The following PPP2R2A variants were observed in gnomAD, a reference collection of about 807,000 sequenced individuals.
PPP2R2A encodes the protein protein phosphatase 2 regulatory subunit Balpha.
Under a neutral mutation model 53.2 loss-of-function variants are expected in PPP2R2A, and 9 were observed. That is an observed-to-expected ratio of 0.17 (90% CI 0.10 to 0.30). The LOEUF is 0.30. Among genes scored for constraint, PPP2R2A ranks in the 10% least tolerant of loss-of-function variants. The pLI is 1.00. For missense variants in PPP2R2A, 235 were observed against 534.6 expected (o/e 0.44, Z 5.53); for synonymous variants, 169 against 174.2 (o/e 0.97, Z 0.23).
At chr8:26,295,776 A>G (rs919248864) in intron 2 of PPP2R2A, among the ~76,000 whole-genome samples, 1 of 152,216 alleles carries the variant, frequency 6.6e-6, no homozygotes, top group Non-Finnish European at 1.5e-5. Context: ...AAGTATAAAA[A>G]TAATCCAGTT....
At chr8:26,326,511 G>A (rs1803094366) in intron 2 of PPP2R2A, among the ~76,000 whole-genome samples, 1 of 152,196 alleles carries the variant, frequency 6.6e-6, no homozygotes, top group African/African-American at 2.4e-5. Flanking sequence ...TATTGGGTGT[G>A]ACTCTACCAA....
chr8:26,321,067 C>T lies in PPP2R2A; in HGVS notation c.83-17823C>T, dbSNP rs745488880. ...TTCAGTATCCTTGGAAACCCTGGAACGGTGCCATAACTAAACTAAAAAAAT... is the reference window on the plus strand; with the variant it reads ...TTCAGTATCCTTGGAAACCCTGGAATGGTGCCATAACTAAACTAAAAAAAT... On this transcript the variant is annotated intron_variant, in intron 2 of 9. Coordinates refer to ENST00000380737, the MANE Select transcript of PPP2R2A (RefSeq NM_002717.4). The surrounding 1 kb of genome is among the most constrained non-coding windows in gnomAD (Gnocchi z 4.1). Among the ~76,000 whole-genome samples the T allele has an allele frequency of 8.5e-5, 13 of 152,154 alleles. No homozygotes were observed. Among genetic ancestry groups the T allele is most frequent in the South Asian group, 2.1e-4 (1 of 4,832 alleles).
intron 2 of PPP2R2A, 95 bp downstream of exon 2, chr8:26,293,835 C>G: frequency 8.8e-7 from 1 of 1,133,566 alleles, no homozygotes. Flanking sequence ...GCTATAAATT[C>G]AAGATGATTT....
In PPP2R2A at chr8:26,338,213, C is replaced by T. The variant is rs989702517; in HGVS notation, c.83-677C>T. Among the ~76,000 whole-genome samples, 1 of 151,962 alleles carries T rather than the reference C, an allele frequency of 6.6e-6. No individual in the cohort carries two copies. The highest frequency in any genetic ancestry group is 6.5e-5 in the Admixed American group (1 of 15,268). ...AGGAAAAGGGCTCTAGTGTGAAAAA[C>T]CAAGAAAAAAAACTTGACAGTTTTC... On this transcript the variant is annotated intron_variant, in intron 2 of 9. Transcript: ENST00000380737. The surrounding 1 kb of genome is among the most constrained non-coding windows in gnomAD (Gnocchi z 4.5).
intron 6 of PPP2R2A, among the ~76,000 whole-genome samples, chr8:26,361,991 A>G (rs1805113040): frequency 6.8e-6 from 1 of 147,822 alleles, no homozygotes. Flanking sequence ...ATTTATATAT[A>G]TTATATTAAT....
At chr8:26,313,384 A>G (rs954564182) in intron 2 of PPP2R2A, among the ~76,000 whole-genome samples, 2 of 152,140 alleles carry the variant, frequency 1.3e-5, no homozygotes, top group South Asian at 2.1e-4. Flanking sequence ...TTTAAAAGCA[A>G]TCCACAGATG....
Position 26,338,942 on chromosome 8 carries a change from A to G in PPP2R2A, c.135A>G (p.Thr45=), listed in dbSNP as rs1161690560. 5 of 1,606,714 alleles carry G rather than the reference A, an allele frequency of 3.1e-6. 1 individual carries two copies. In the Middle Eastern group the frequency reaches 5.0e-4, roughly 160 times the overall value. The change falls in exon 3 of 10, where the codon ACA becomes ACG. Residue 45 remains threonine (T), a synonymous_variant. Transcript: ENST00000380737. This position sits in a 1 kb window ranked among gnomAD's most constrained non-coding sequence, Gnocchi z 4.5. ...ATCATTCTGGAGAATTACTAGCAAC[A>G]GGAGATAAAGGTGGTAGAGTTGTCA... ...EFNHSGELLA[T]GDKGGRVVIF...
At chr8:26,364,629 C>G (rs1805274046) in intron 8 of PPP2R2A, among the ~76,000 whole-genome samples, 1 of 152,224 alleles carries the variant, frequency 6.6e-6, no homozygotes, top group Non-Finnish European at 1.5e-5. Flanking sequence ...AAGTATGTTT[C>G]TCAAACTTTA....
At chr8:26,347,750 T>TA (rs2117357838) in intron 3 of PPP2R2A, among the ~76,000 whole-genome samples, 1 of 152,308 alleles carries the variant, frequency 6.6e-6, no homozygotes, top group Admixed American at 6.5e-5. Flanking sequence ...TTGTGACTGA[T>TA]ACGCTTCCAA....
intron 2 of PPP2R2A, chr8:26,333,694 A>G (rs1211557858): frequency 3.0e-6 from 1 of 332,994 alleles, no homozygotes; most frequent in Admixed American, 4.5e-5. Context: ...TGAGAGTTAC[A>G]TTTTTGAACC....
At chr8:26,366,211 G>A (rs1805365611) in intron 8 of PPP2R2A, 104 bp from the exon 9 acceptor site, 2 of 792,566 alleles carry the variant, frequency 2.5e-6, no homozygotes, top group African/African-American at 1.8e-5. Context: ...GGTTTAAAAG[G>A]TGTGTGTATG....
At chr8:26,344,873 T>C (rs1309394014) in intron 3 of PPP2R2A, among the ~76,000 whole-genome samples, 1 of 152,172 alleles carries the variant, frequency 6.6e-6, no homozygotes, top group Non-Finnish European at 1.5e-5. Flanking sequence ...ACCAGAAGTG[T>C]TTCAAATTTC....
chr8:26,319,548 G>A (rs981992498), intron 2 of PPP2R2A, among the ~76,000 whole-genome samples: 1 of 152,094 alleles, frequency 6.6e-6, no homozygotes, highest in African/African-American at 2.4e-5. Flanking sequence ...TGTAAAGCAA[G>A]GGTCCATTTT....
At chr8:26,337,583 C>G (rs887245662) in intron 2 of PPP2R2A, among the ~76,000 whole-genome samples, 1 of 152,196 alleles carries the variant, frequency 6.6e-6, no homozygotes, top group African/African-American at 2.4e-5. Context: ...TCAGTACTTA[C>G]TGGTGTTTGG....
rs535919877 is a variant in PPP2R2A, at chr8:26,356,315, C to T, written c.346+1682C>T. ...TTCACAAATGCCTGATGGCCATCAG[C>T]GTTGGCCGCCTCCTGGGTGCCCGTT... is the stretch of plus-strand genomic sequence containing the variant. On this transcript the variant is annotated intron_variant, in intron 4 of 9. Coordinates refer to ENST00000380737, the MANE Select transcript of PPP2R2A (RefSeq NM_002717.4). Among the ~76,000 whole-genome samples the T allele has an allele frequency of 3.3e-5, 5 of 152,278 alleles. No homozygotes were observed. The South Asian group carries it at 8.3e-4, about 25-fold the overall frequency.
At chr8:26,336,926 T>C (rs995760652) in intron 2 of PPP2R2A, among the ~76,000 whole-genome samples, 2 of 152,088 alleles carry the variant, frequency 1.3e-5, no homozygotes, top group African/African-American at 4.8e-5. Context: ...TGTCTAACTT[T>C]ACTGCTTAGC....
At chr8:26,345,889 G>C (rs989660941) in intron 3 of PPP2R2A, among the ~76,000 whole-genome samples, 4 of 152,156 alleles carry the variant, frequency 2.6e-5, no homozygotes, top group African/African-American at 9.7e-5. Flanking sequence ...CATATTGTGA[G>C]AGACGGCATC....
intron 2 of PPP2R2A, among the ~76,000 whole-genome samples, chr8:26,326,595 G>A (rs1008753111): frequency 2.0e-5 from 3 of 151,980 alleles, no homozygotes; most frequent in African/African-American, 7.3e-5. Context: ...AAGATTTTAG[G>A]GAGATATTAA....
chr8:26,331,779 G>A (rs1803390000), intron 2 of PPP2R2A, among the ~76,000 whole-genome samples: 1 of 152,124 alleles, frequency 6.6e-6, no homozygotes. Context: ...AGAAATAGTG[G>A]TTACTCAATA....
Sources: gnomAD v4.1 joint callset for allele counts (sites outside exome capture counted in the v4.1 genomes callset) on GRCh38, gnomAD v4.1.1 for gene constraint, Gnocchi (gnomAD v3.1) non-coding constraint, MANE v1.5 for transcripts, NCBI Gene and HGNC (gene_info 2026-07-23, HGNC 2026-07-21) for gene names.